SH3PXD2A: variants seen among roughly 807,000 people sequenced by gnomAD.
SH3PXD2A encodes SH3 and PX domains 2A.
SH3PXD2A carries 32 observed loss-of-function variants against 115.2 expected under a neutral mutation model. The observed-to-expected ratio is 0.28, with a 90% CI of 0.21 to 0.37. The LOEUF (loss-of-function observed/expected upper bound fraction) is 0.37, where lower values mean the gene tolerates loss of function less well. Among genes scored for constraint, SH3PXD2A ranks in the 10% least tolerant of loss-of-function variants. The pLI, the probability that SH3PXD2A is intolerant of heterozygous loss-of-function variation, is 1.00. For missense variants in SH3PXD2A, 1,328 were observed against 1,498.7 expected (o/e 0.89, Z 1.88); for synonymous variants, 610 against 629.1 (o/e 0.97, Z 0.45).
intron 5 of SH3PXD2A, among the ~76,000 whole-genome samples, chr10:103,716,393 C>G (rs1388525961): frequency 2.0e-5 from 3 of 152,214 alleles, no homozygotes; most frequent in Non-Finnish European, 4.4e-5. Context: ...CACCCCAGGT[C>G]CCTCGGAACA....
chr10:103,745,449 G>A (rs907244645), intron 3 of SH3PXD2A, among the ~76,000 whole-genome samples: 3 of 152,224 alleles, frequency 2.0e-5, no homozygotes, highest in Non-Finnish European at 2.9e-5. Context: ...TCGAATGCTA[G>A]TTTCCTCAGA....
chr10:103,672,459 C>G (rs1275453379), intron 6 of SH3PXD2A, among the ~76,000 whole-genome samples: 1 of 152,210 alleles, frequency 6.6e-6, no homozygotes, highest in African/African-American at 2.4e-5. Context: ...ATGAATCTTT[C>G]CAGAGAAACG....
chr10:103,669,484 C>A (rs531697864), intron 6 of SH3PXD2A, among the ~76,000 whole-genome samples: 9 of 152,342 alleles, frequency 5.9e-5, no homozygotes, highest in African/African-American at 2.2e-4. Context: ...TTGGTCTAAT[C>A]AATGGTTTGC....
chr10:103,747,738 C>T (rs1308038227), intron 3 of SH3PXD2A, among the ~76,000 whole-genome samples: 1 of 152,206 alleles, frequency 6.6e-6, no homozygotes, highest in African/African-American at 2.4e-5. Flanking sequence ...CCTGGCCAGG[C>T]CAGCCACAGG....
chr10:103,632,691 C>G (rs1008128286), intron 8 of SH3PXD2A, among the ~76,000 whole-genome samples: 3 of 152,172 alleles, frequency 2.0e-5, no homozygotes, highest in Non-Finnish European at 2.9e-5. Context: ...TCAACAGAGC[C>G]TGGGCCGGGC....
At chr10:103,685,009 G>A (rs1399553693) in intron 6 of SH3PXD2A, among the ~76,000 whole-genome samples, 1 of 150,410 alleles carries the variant, frequency 6.6e-6, no homozygotes, top group Non-Finnish European at 1.5e-5. Flanking sequence ...GACAGAGCCT[G>A]GGGCCCTGTC....
intron 6 of SH3PXD2A, 96 bp downstream of exon 6, chr10:103,692,932 C>A (rs966668040): frequency 1.1e-5 from 11 of 1,001,424 alleles, no homozygotes; most frequent in African/African-American, 3.3e-5. Flanking sequence ...ACAACCCCCC[C>A]CTCCCCGCCC....
chr10:103,705,815 A>G (rs886881831), intron 5 of SH3PXD2A, among the ~76,000 whole-genome samples: 7 of 152,192 alleles, frequency 4.6e-5, no homozygotes, highest in Non-Finnish European at 8.8e-5. Context: ...CCTGGCCAAC[A>G]TGGTGAAACC....
At position 103,631,772 on chromosome 10, in the gene SH3PXD2A, G is replaced by A. The variant is rs566464637; in HGVS notation, c.605-4570C>T. 1.2e-4 allele frequency among the ~76,000 whole-genome samples: 18 copies of A among 152,274 alleles called. No individual in the cohort carries two copies. In the South Asian group the frequency reaches 3.7e-3, roughly 32 times the overall value. On this transcript the variant is annotated intron_variant, in intron 8 of 14. Transcript: ENST00000369774. ...AATTCCCAACTTGGAGTCACTTACA[G>A]GAGGCTCTTGAAAGCTGAGGCTCTC...
chr10:103,724,208 G>T, intron 5 of SH3PXD2A, 62 bp downstream of exon 5: 1 of 842,288 alleles, frequency 1.2e-6, no homozygotes. Flanking sequence ...GCCTCCCCAG[G>T]CTGGCCATTG....
rs921673264 is a variant in SH3PXD2A at position 103,594,737 on chromosome 10, C to G, written c.*7079G>C. 3 of 152,154 alleles carry G rather than the reference C, an allele frequency of 2.0e-5. No individual in the cohort carries two copies. The highest frequency in any genetic ancestry group is 7.2e-5 in the African/African-American group (3 of 41,430). The allele number at this position is 152,154 out of a possible 1,614,324, so 9.4% of individuals were successfully genotyped here. On this transcript the variant is annotated 3_prime_UTR_variant, in exon 15 of 15. Coordinates refer to ENST00000369774, the MANE Select transcript of SH3PXD2A (RefSeq NM_001394015.1). ...CAGTAAACTCTTATGGGGAGTGTGC[C>G]TTGGTTATAAGGCAACGCAAAATGG...
At chr10:103,809,029 G>A (rs1256358706) in intron 1 of SH3PXD2A, among the ~76,000 whole-genome samples, 1 of 152,192 alleles carries the variant, frequency 6.6e-6, no homozygotes, top group East Asian at 1.9e-4. Context: ...CTAAAACCCT[G>A]CCAGCAAAAT....
At chr10:103,726,071 G>T (rs2038237880) in intron 4 of SH3PXD2A, among the ~76,000 whole-genome samples, 3 of 152,148 alleles carry the variant, frequency 2.0e-5, no homozygotes, top group Non-Finnish European at 4.4e-5. Context: ...GGTCCAAACA[G>T]ACAGGAGAGA....
intron 2 of SH3PXD2A, among the ~76,000 whole-genome samples, chr10:103,793,626 A>G (rs749977553): frequency 6.6e-6 from 1 of 152,238 alleles, no homozygotes; most frequent in African/African-American, 2.4e-5. Flanking sequence ...AGCATTCACA[A>G]TGACCCATGC....
At chr10:103,832,334 A>G (rs2039490007) in intron 1 of SH3PXD2A, among the ~76,000 whole-genome samples, 1 of 151,884 alleles carries the variant, frequency 6.6e-6, no homozygotes, top group Non-Finnish European at 1.5e-5. Flanking sequence ...TACACCCTAG[A>G]ATCTAAGGTA....
intron 11 of SH3PXD2A, among the ~76,000 whole-genome samples, chr10:103,614,309 G>T (rs1428820459): frequency 6.6e-6 from 1 of 152,104 alleles, no homozygotes; most frequent in Non-Finnish European, 1.5e-5. Flanking sequence ...GGAAAAACAA[G>T]TAAGACAGAC....
chr10:103,691,248 A>G (rs375786252), intron 6 of SH3PXD2A, among the ~76,000 whole-genome samples: 2 of 152,290 alleles, frequency 1.3e-5, no homozygotes, highest in South Asian at 4.1e-4. Flanking sequence ...GAGAACTGAT[A>G]CTTGTACAGT....
Position 103,801,317 on chromosome 10 carries a change from T to C in SH3PXD2A, c.118A>G (p.Ile40Val), listed in dbSNP as rs779004473. The C allele has an allele frequency of 6.8e-6, 11 of 1,612,490 alleles. No individual in the cohort carries two copies. The highest frequency in any genetic ancestry group is 5.3e-5 in the African/African-American group (4 of 74,872). Residue 40 changes from isoleucine to valine, a missense_variant, in exon 2 of 15, where the codon ATC (isoleucine) becomes GTC (valine). Ile to Val is a conservative substitution (Grantham distance 29). Coordinates refer to ENST00000369774, the MANE Select transcript of SH3PXD2A (RefSeq NM_001394015.1). Reference sequence around the variant, plus strand: ...AAGAACTTGCTGTACCTCCGGTAGATAGTCTGGGAGGTGGAGTCAGACCAG... The same window carrying C: ...AAGAACTTGCTGTACCTCCGGTAGACAGTCTGGGAGGTGGAGTCAGACCAG... The part of the protein sequence containing the change: ...VTWSDSTSQT[I>V]YRRYSKFFDL...
intron 13 of SH3PXD2A, chr10:103,608,660 A>G (rs1021318447): frequency 6.6e-6 from 1 of 151,382 alleles, no homozygotes; most frequent in African/African-American, 2.4e-5. Context: ...AAGAGAAAAA[A>G]ACTAGAGACA....
Sources: allele counts gnomAD v4.1 joint callset (sites outside exome capture counted in the v4.1 genomes callset), GRCh38; gene constraint gnomAD v4.1.1; transcripts MANE v1.5; gene names NCBI Gene and HGNC (gene_info 2026-07-23, HGNC 2026-07-21).